The following GPHN variants were observed in gnomAD, a reference collection of about 807,000 sequenced individuals.
GPHN encodes gephyrin.
Under a neutral mutation model 95.5 loss-of-function variants are expected in GPHN, and 17 were observed. The observed-to-expected ratio is 0.18, with a 90% CI of 0.12 to 0.27. GPHN has a LOEUF of 0.27. Ranked by LOEUF, GPHN falls within the 10% of genes least tolerant of loss-of-function variation. GPHN has a pLI of 1.00. For synonymous variants in GPHN, 320 were observed against 322.5 expected (o/e 0.99, Z 0.08); for missense variants, 660 against 978.1 (o/e 0.67, Z 4.34).
the GPHN span, among the ~76,000 whole-genome samples, chr14:67,428,178 CA>C: frequency 6.6e-6 from 1 of 152,118 alleles, no homozygotes; most frequent in Non-Finnish European, 1.5e-5. Flanking sequence ...CTCAGCCTCC[CA>C]AAGTGCTGGA....
chr14:67,138,624 G>A (rs1045397132), intron 17 of GPHN, among the ~76,000 whole-genome samples: 2 of 152,074 alleles, frequency 1.3e-5, no homozygotes, highest in African/African-American at 2.4e-5. Flanking sequence ...AAATCTGAGC[G>A]ATGGATACAT....
chr14:67,506,795 C>A, the GPHN span, among the ~76,000 whole-genome samples: 1 of 152,114 alleles, frequency 6.6e-6, no homozygotes, highest in East Asian at 1.9e-4. Context: ...ACCATCCTGG[C>A]CAACGTGGTG....
the GPHN span, among the ~76,000 whole-genome samples, chr14:67,504,542 T>C: frequency 2.0e-5 from 3 of 152,188 alleles, no homozygotes; most frequent in African/African-American, 7.2e-5. Flanking sequence ...ATTGTGACAA[T>C]GATGGTTTTG....
At chr14:67,149,562 G>A (rs1414199201) in intron 18 of GPHN, among the ~76,000 whole-genome samples, 2 of 151,858 alleles carry the variant, frequency 1.3e-5, no homozygotes, top group African/African-American at 4.8e-5. Context: ...TCTGAGAATC[G>A]GGCCTTAAGA....
At chr14:66,892,992 C>G (rs1043439449) in intron 5 of GPHN, among the ~76,000 whole-genome samples, 1 of 152,120 alleles carries the variant, frequency 6.6e-6, no homozygotes, top group African/African-American at 2.4e-5. Flanking sequence ...TGCAGTGTTT[C>G]AGGCCCAACT....
At chr14:67,658,463 G>A in the GPHN span, among the ~76,000 whole-genome samples, 2 of 152,124 alleles carry the variant, frequency 1.3e-5, no homozygotes, top group Non-Finnish European at 2.9e-5. Context: ...CGGGCGTGGT[G>A]GTGGGCGCCT....
At chr14:67,259,878 AAG>A in the GPHN span, among the ~76,000 whole-genome samples, 1 of 129,048 alleles carries the variant, frequency 7.7e-6, no homozygotes. Context: ...TGCTCCATCT[AAG>A]AAAAAAAAAA....
chr14:66,851,141 C>T (rs2062563456), intron 4 of GPHN, among the ~76,000 whole-genome samples: 1 of 151,116 alleles, frequency 6.6e-6, no homozygotes, highest in Admixed American at 6.6e-5. Context: ...TATTCCTTAC[C>T]TTTTATTTAA....
chr14:67,316,118 A>G, the GPHN span, among the ~76,000 whole-genome samples: 1 of 152,342 alleles, frequency 6.6e-6, no homozygotes. Context: ...AAAAAAGTGG[A>G]ACCTCAACGT....
chr14:67,374,152 T>G, the GPHN span, among the ~76,000 whole-genome samples: 2 of 152,176 alleles, frequency 1.3e-5, no homozygotes, highest in African/African-American at 4.8e-5. Flanking sequence ...TCTGAAACTT[T>G]TGAGCACCAA....
chr14:66,587,905 C>T lies in GPHN; in HGVS notation c.64+79314C>T, dbSNP rs368790646. Among the ~76,000 whole-genome samples the T allele has an allele frequency of 2.4e-4, 36 of 152,296 alleles. 1 individual carries two copies. Among genetic ancestry groups the T allele is most frequent in the East Asian group, 1.2e-3 (6 of 5,180 alleles). On this transcript the variant is annotated intron_variant, in intron 1 of 22. Coordinates refer to ENST00000478722, the MANE Select transcript of GPHN (RefSeq NM_020806.5). ...AGCTCTGCTAAGGGATGGACTGCCT[C>T]CTCAAGTGGGTCCCTGACCCTCATG...
the GPHN span, among the ~76,000 whole-genome samples, chr14:67,535,135 G>A: frequency 3.3e-5 from 5 of 152,214 alleles, no homozygotes; most frequent in East Asian, 1.9e-4. Context: ...TTTTTGGGTG[G>A]GTGTGTGAAT....
At chr14:67,261,360 A>G in the GPHN span, among the ~76,000 whole-genome samples, 1 of 152,200 alleles carries the variant, frequency 6.6e-6, no homozygotes, top group African/African-American at 2.4e-5. Context: ...AGGTAGTGGC[A>G]TGAGAAGGGA....
chr14:67,296,641 A>T, the GPHN span, among the ~76,000 whole-genome samples: 2 of 151,272 alleles, frequency 1.3e-5, no homozygotes, highest in Non-Finnish European at 2.9e-5. Flanking sequence ...GAAGGCCATT[A>T]ATAAATTTAA....
intron 8 of GPHN, among the ~76,000 whole-genome samples, chr14:66,932,872 T>A (rs902722011): frequency 1.3e-5 from 2 of 152,168 alleles, no homozygotes; most frequent in Non-Finnish European, 2.9e-5. Context: ...GACCCATTTT[T>A]CAGTTCTCCC....
intron 8 of GPHN, among the ~76,000 whole-genome samples, chr14:66,955,320 T>A (rs2068415103): frequency 2.6e-5 from 4 of 152,162 alleles, no homozygotes; most frequent in African/African-American, 9.7e-5. Flanking sequence ...TCTTCTTGAG[T>A]TGGTTTTGGT....
At chr14:66,891,462 G>A (rs1452383172) in intron 5 of GPHN, among the ~76,000 whole-genome samples, 4 of 151,978 alleles carry the variant, frequency 2.6e-5, no homozygotes, top group Non-Finnish European at 4.4e-5. Context: ...AATGAAGTTG[G>A]ACCTTTGCCT....
chr14:67,469,265 T>G, the GPHN span, among the ~76,000 whole-genome samples: 1 of 152,142 alleles, frequency 6.6e-6, no homozygotes, highest in African/African-American at 2.4e-5. Flanking sequence ...AGGGGGCCCA[T>G]GCCATTTGCG....
At chr14:67,623,711 T>C in the GPHN span, among the ~76,000 whole-genome samples, 1 of 152,032 alleles carries the variant, frequency 6.6e-6, no homozygotes, top group Non-Finnish European at 1.5e-5. Flanking sequence ...CTGACTAATT[T>C]TTGTATTTTT....
Sources: gnomAD v4.1 joint callset for allele counts (sites outside exome capture counted in the v4.1 genomes callset) on GRCh38, gnomAD v4.1.1 for gene constraint, MANE v1.5 for transcripts, NCBI Gene and HGNC (gene_info 2026-07-23, HGNC 2026-07-21) for gene names.